The following OSER1 variants were observed in gnomAD, a reference collection of about 807,000 sequenced individuals.
OSER1 encodes the protein oxidative stress responsive serine rich 1, also known as oxidative stress-responsive serine-rich protein 1.
A neutral mutation model predicts 26.3 loss-of-function variants in OSER1; 15 were observed. That is an observed-to-expected ratio of 0.57 (90% CI 0.38 to 0.88). The LOEUF is 0.88. Among genes scored for constraint, OSER1 ranks in the 40% least tolerant of loss-of-function variants. OSER1 has a pLI of 0.00. For missense variants in OSER1, 313 were observed against 353.9 expected, an observed-to-expected ratio of 0.88 and a Z score of 0.93; for synonymous variants, 127 against 128.2, an observed-to-expected ratio of 0.99 and a Z score of 0.07.
chr20:44,210,460 C>T (rs2073091611), intron 1 of OSER1, among the ~76,000 whole-genome samples: 1 of 152,120 alleles, frequency 6.6e-6, no homozygotes, highest in South Asian at 2.1e-4. Flanking sequence ...GGGCGGGGGA[C>T]CGCGGGAGGA....
intron 3 of OSER1, among the ~76,000 whole-genome samples, chr20:44,201,027 G>A (rs1185672648): frequency 4.6e-5 from 6 of 130,580 alleles, no homozygotes; most frequent in African/African-American, 2.4e-4. Flanking sequence ...ATAAATGAAA[G>A]CAAAGTACAG....
intron 3 of OSER1, among the ~76,000 whole-genome samples, chr20:44,198,605 C>A (rs956846148): frequency 6.7e-6 from 1 of 150,356 alleles, no homozygotes; most frequent in African/African-American, 2.5e-5. Context: ...GGCAACAGAG[C>A]GAGACTCCGT....
At chr20:44,204,349 T>C (rs926396457) in intron 2 of OSER1, among the ~76,000 whole-genome samples, 4 of 152,252 alleles carry the variant, frequency 2.6e-5, no homozygotes, top group African/African-American at 7.2e-5. Flanking sequence ...AACTAGAATG[T>C]ATGATACACT....
intron 3 of OSER1, among the ~76,000 whole-genome samples, 193 bp from the exon 4 acceptor site, chr20:44,197,932 T>C (rs1013303005): frequency 1.3e-5 from 2 of 152,188 alleles, no homozygotes; most frequent in Admixed American, 1.3e-4. Context: ...AACATCATCT[T>C]ATTAGCAAGC....
At chr20:44,200,753 A>G (rs1398313636) in intron 3 of OSER1, among the ~76,000 whole-genome samples, 3 of 152,244 alleles carry the variant, frequency 2.0e-5, no homozygotes, top group African/African-American at 2.4e-5. Flanking sequence ...AGAAATCCAC[A>G]TAAGAGACAC....
intron 3 of OSER1, 133 bp from the exon 4 acceptor site, chr20:44,197,872 C>T (rs952205356): frequency 9.8e-6 from 6 of 609,638 alleles, no homozygotes; most frequent in African/African-American, 7.4e-5. Context: ...GCAAGAGATG[C>T]ACCTTCCTCC....
At chr20:44,205,833 G>C (rs1032802568) in intron 2 of OSER1, among the ~76,000 whole-genome samples, 4 of 151,760 alleles carry the variant, frequency 2.6e-5, no homozygotes, top group African/African-American at 9.7e-5. Context: ...CCAGCTACTC[G>C]GGAGGCTGAG....
In OSER1 at chr20:44,197,739, C is replaced by T. The variant is rs11274; in HGVS notation, c.192G>A (p.Gly64=). The change falls in exon 4 of 4, where the codon GGG becomes GGA. Residue 64 remains glycine, a splice_region_variant and synonymous_variant. Transcript: ENST00000255174. ...TTCASKDSWH[G]STRKSSRGAV... Reference sequence around the variant, plus strand: ...CTCCTCGTGAAGACTTCCTTGTAGACCTAAAGAGGAAAAAAAATATACAAG... The same window carrying T: ...CTCCTCGTGAAGACTTCCTTGTAGATCTAAAGAGGAAAAAAAATATACAAG... The T allele has an allele frequency of 0.19, 294,610 of 1,588,542 alleles. 37,476 individuals carry two copies. The highest frequency in any genetic ancestry group is 0.55 in the African/African-American group (40,724 of 73,662).
At chr20:44,207,586 T>C (rs1295354109) in intron 1 of OSER1, 1 of 152,240 alleles carries the variant, frequency 6.6e-6, no homozygotes, top group Non-Finnish European at 1.5e-5. Context: ...TGTGTTTTTC[T>C]TCATAGCCTG....
At chr20:44,203,553 C>T (rs6130566) in intron 2 of OSER1, among the ~76,000 whole-genome samples, 4 of 151,894 alleles carry the variant, frequency 2.6e-5, no homozygotes, top group South Asian at 2.1e-4. Context: ...TAAATCCTTG[C>T]GGTTTAAAAT....
chr20:44,202,619 T>C (rs1361083194), intron 3 of OSER1, among the ~76,000 whole-genome samples: 2 of 152,120 alleles, frequency 1.3e-5, no homozygotes, highest in Non-Finnish European at 1.5e-5. Flanking sequence ...ATGGGGTAGA[T>C]TTCAACATAC....
intron 3 of OSER1, among the ~76,000 whole-genome samples, chr20:44,202,592 T>C (rs924609398): frequency 2.0e-5 from 3 of 151,844 alleles, no homozygotes; most frequent in Middle Eastern, 3.2e-3. Flanking sequence ...AAAGGGAAAA[T>C]AGACAAATAC....
chr20:44,202,744 A>G (rs1293764121), intron 3 of OSER1, among the ~76,000 whole-genome samples: 1 of 152,174 alleles, frequency 6.6e-6, no homozygotes, highest in East Asian at 1.9e-4. Flanking sequence ...AGAAGTCCCA[A>G]TCTTCTCAAA....
Position 44,197,838 on chromosome 20 carries a change from T to C in OSER1, c.192-99A>G, listed in dbSNP as rs535924192. 6.2e-5 allele frequency: 45 copies of C among 731,208 alleles called. No individual in the cohort carries two copies. In the African/African-American group the frequency reaches 7.9e-4, roughly 13 times the overall value. 45.3% of individuals were successfully genotyped at this position (731,208 alleles called of 1,614,324 possible). On this transcript the variant is annotated intron_variant, in intron 3 of 3. Transcript: ENST00000255174. ...GGAAATTTACCTTCCCTCAGCTTTATGAGTCTAAGCTCATAAATTTCCTGC... is the reference window on the plus strand; with the variant it reads ...GGAAATTTACCTTCCCTCAGCTTTACGAGTCTAAGCTCATAAATTTCCTGC...
At chr20:44,211,802 G>A (rs569211508), upstream of OSER1, among the ~76,000 whole-genome samples, 44 of 152,290 alleles carry the variant, frequency 2.9e-4, no homozygotes, top group Middle Eastern at 6.8e-3. Context: ...CCAGCTCCAC[G>A]TCTGCACTGC....
intron 2 of OSER1, among the ~76,000 whole-genome samples, chr20:44,204,133 AT>A (rs1305846815): frequency 2.0e-5 from 3 of 152,056 alleles, no homozygotes; most frequent in Non-Finnish European, 4.4e-5. Flanking sequence ...GTTTTTGTAA[AT>A]TTTTCTATAA....
At chr20:44,211,717 G>A (rs955234794), upstream of OSER1, among the ~76,000 whole-genome samples, 5 of 152,192 alleles carry the variant, frequency 3.3e-5, no homozygotes, top group Admixed American at 2.6e-4. Context: ...GGTGATCTGT[G>A]CAACAGCTGC....
intron 3 of OSER1, among the ~76,000 whole-genome samples, chr20:44,200,613 TCTGG>T (rs2072971076): frequency 1.3e-5 from 2 of 152,202 alleles, no homozygotes; most frequent in Non-Finnish European, 2.9e-5. Flanking sequence ...ACAGAGTAAG[TCTGG>T]AATTTCTGAA....
At chr20:44,198,376 T>A (rs898953465) in intron 3 of OSER1, among the ~76,000 whole-genome samples, 53 of 152,226 alleles carry the variant, frequency 3.5e-4, no homozygotes, top group Admixed American at 2.5e-3. Flanking sequence ...TCCCAGCACT[T>A]TGGGAGGCCG....
Sources: allele counts gnomAD v4.1 joint callset (sites outside exome capture counted in the v4.1 genomes callset), GRCh38; gene constraint gnomAD v4.1.1; transcripts MANE v1.5; gene names NCBI Gene and HGNC (gene_info 2026-07-23, HGNC 2026-07-21).